The following PHACTR1 variants were observed in gnomAD, a reference collection of about 807,000 sequenced individuals.
PHACTR1 encodes the protein RPEL repeat containing 1.
Under a neutral mutation model 69.2 loss-of-function variants are expected in PHACTR1, and 16 were observed. That is an observed-to-expected ratio of 0.23 (90% CI 0.16 to 0.35). The LOEUF is 0.35. Among genes scored for constraint, PHACTR1 ranks in the 10% least tolerant of loss-of-function variants. The pLI, the probability that PHACTR1 is intolerant of heterozygous loss-of-function variation, is 1.00. For synonymous variants in PHACTR1, 312 were observed against 284.5 expected (o/e 1.10, Z -0.97); for missense variants, 510 against 734.7 (o/e 0.69, Z 3.54).
intron 10 of PHACTR1, among the ~76,000 whole-genome samples, chr6:13,259,598 C>G (rs1266740274): frequency 1.3e-5 from 2 of 152,184 alleles, no homozygotes; most frequent in Non-Finnish European, 2.9e-5. Context: ...ACTTTCACAT[C>G]TAATTCTCCT....
intron 10 of PHACTR1, among the ~76,000 whole-genome samples, chr6:13,239,321 GC>G (rs1190249128): frequency 6.6e-6 from 1 of 152,196 alleles, no homozygotes; most frequent in East Asian, 1.9e-4. Context: ...TACCACAAAT[GC>G]GTGGACTTCG....
chr6:13,110,040 CTTA>C (rs1816795545), intron 5 of PHACTR1, among the ~76,000 whole-genome samples: 1 of 151,798 alleles, frequency 6.6e-6, no homozygotes, highest in South Asian at 2.1e-4. Context: ...CTCAGTTTCT[CTTA>C]TGTTCATATT....
chr6:13,175,597 G>A (rs1761214593), intron 6 of PHACTR1, among the ~76,000 whole-genome samples: 1 of 152,196 alleles, frequency 6.6e-6, no homozygotes. Flanking sequence ...TCCCCCAGGA[G>A]AGCATGGTTT....
intron 6 of PHACTR1, among the ~76,000 whole-genome samples, chr6:13,177,317 C>G (rs1002264140): frequency 2.0e-5 from 3 of 151,668 alleles, no homozygotes; most frequent in Non-Finnish European, 2.9e-5. Flanking sequence ...TGGAGCAACA[C>G]TCTGAGAGCA....
At chr6:12,793,499 A>G (rs1772595258) in intron 4 of PHACTR1, among the ~76,000 whole-genome samples, 1 of 152,344 alleles carries the variant, frequency 6.6e-6, no homozygotes, top group South Asian at 2.1e-4. Context: ...TTATGCTTCA[A>G]GATTTGAAAG....
chr6:12,785,515 C>T (rs370684359), intron 4 of PHACTR1, among the ~76,000 whole-genome samples: 3 of 152,298 alleles, frequency 2.0e-5, no homozygotes, highest in African/African-American at 7.2e-5. Flanking sequence ...ACAAACCTGC[C>T]AGGCCAGTTG....
intron 8 of PHACTR1, among the ~76,000 whole-genome samples, chr6:13,220,992 A>G (rs1000215776): frequency 5.9e-5 from 9 of 152,230 alleles, no homozygotes; most frequent in South Asian, 2.1e-4. Flanking sequence ...GGCAGATGCT[A>G]TAACAAAGCT....
At chr6:12,931,816 C>T (rs561477346) in intron 4 of PHACTR1, among the ~76,000 whole-genome samples, 1 of 151,864 alleles carries the variant, frequency 6.6e-6, no homozygotes, top group African/African-American at 2.4e-5. Flanking sequence ...ACATGCATTT[C>T]AATTGTGGTC....
At chr6:13,180,824 C>T (rs1227652927) in intron 6 of PHACTR1, among the ~76,000 whole-genome samples, 2 of 152,198 alleles carry the variant, frequency 1.3e-5, no homozygotes, top group Non-Finnish European at 2.9e-5. Flanking sequence ...CACACTGACG[C>T]TCAGCCCTTC....
intron 4 of PHACTR1, among the ~76,000 whole-genome samples, chr6:13,005,224 G>A (rs934894642): frequency 9.5e-5 from 14 of 147,784 alleles, no homozygotes; most frequent in Middle Eastern, 3.2e-3. Flanking sequence ...AGTTCTCACC[G>A]TTGCCTAGGC....
In PHACTR1 at chr6:12,846,315, T is replaced by A. The variant is rs376465169; in HGVS notation, c.250+96525T>A. 3.3e-5 allele frequency among the ~76,000 whole-genome samples: 5 copies of A among 152,230 alleles called. No homozygotes were observed. In the East Asian group the frequency reaches 9.6e-4, roughly 29 times the overall value. On this transcript the variant is annotated intron_variant, in intron 4 of 14. Coordinates refer to ENST00000332995, the MANE Select transcript of PHACTR1 (RefSeq NM_030948.6). ...AATATAATCTTAACTATTCTGTAAA[T>A]GGAAAATTTTAAGTTGGTACCAACA...
chr6:12,869,570 T>C (rs1044531073), intron 4 of PHACTR1, among the ~76,000 whole-genome samples: 1 of 152,200 alleles, frequency 6.6e-6, no homozygotes, highest in African/African-American at 2.4e-5. Flanking sequence ...TCTAGCCCTA[T>C]GCTTGACACT....
intron 4 of PHACTR1, among the ~76,000 whole-genome samples, chr6:12,918,716 C>T (rs1174180333): frequency 6.6e-6 from 1 of 152,164 alleles, no homozygotes; most frequent in African/African-American, 2.4e-5. Context: ...GTGCCTAAAA[C>T]CATTGCGACA....
At chr6:13,148,711 C>A (rs1421258782) in intron 5 of PHACTR1, among the ~76,000 whole-genome samples, 1 of 152,184 alleles carries the variant, frequency 6.6e-6, no homozygotes, top group African/African-American at 2.4e-5. Context: ...TGTATCACTC[C>A]AGAGGAAAGT....
chr6:13,066,270 G>A (rs1157456888), intron 5 of PHACTR1, among the ~76,000 whole-genome samples: 1 of 152,200 alleles, frequency 6.6e-6, no homozygotes, highest in Non-Finnish European at 1.5e-5. Flanking sequence ...GTTGAGCAGA[G>A]CATCTGGCAC....
intron 4 of PHACTR1, among the ~76,000 whole-genome samples, chr6:12,954,021 T>C (rs1014304938): frequency 4.6e-5 from 7 of 152,228 alleles, no homozygotes; most frequent in Non-Finnish European, 1.0e-4. Flanking sequence ...GAGGAAACTG[T>C]TAATTTTGAC....
At chr6:13,006,752 G>T (rs1046182916) in intron 4 of PHACTR1, among the ~76,000 whole-genome samples, 2 of 152,152 alleles carry the variant, frequency 1.3e-5, no homozygotes, top group Non-Finnish European at 2.9e-5. Context: ...AATTTCAGCA[G>T]CATGACACAA....
chr6:13,004,830 A>T (rs1220877863), intron 4 of PHACTR1, among the ~76,000 whole-genome samples: 1 of 152,198 alleles, frequency 6.6e-6, no homozygotes, highest in East Asian at 1.9e-4. Flanking sequence ...AGCTTTGTGC[A>T]ACTTCCTCTC....
rs140094520 is a variant in PHACTR1 at position 13,173,928 on chromosome 6, C to T, written c.497-8591C>T. The stretch of plus-strand genomic sequence containing the variant: ...TTCACCATGTTGGCCAGGATGGTCT[C>T]GATCTCTTGACCTCGTGATTCACCT... On this transcript the variant is annotated intron_variant, in intron 6 of 14. Transcript: ENST00000332995. Among the ~76,000 whole-genome samples the T allele has an allele frequency of 6.3e-3, 963 of 152,232 alleles. 9 individuals carry two copies. The highest frequency in any genetic ancestry group is 0.022 in the African/African-American group (919 of 41,542).
Sources: gnomAD v4.1 joint callset for allele counts (sites outside exome capture counted in the v4.1 genomes callset) on GRCh38, gnomAD v4.1.1 for gene constraint, MANE v1.5 for transcripts, NCBI Gene and HGNC (gene_info 2026-07-23, HGNC 2026-07-21) for gene names.